Variants in GRXCR1 observed in about 807,000 individuals in gnomAD.
GRXCR1 encodes glutaredoxin domain-containing cysteine-rich protein 1.
GRXCR1 carries 27 observed loss-of-function variants against 27.3 expected under a neutral mutation model. The ratio of observed to expected loss-of-function variants is 0.99; its 90% CI spans 0.73 to 1.37. The LOEUF is 1.37. Ranked by LOEUF, GRXCR1 falls within the 40% of genes most tolerant of loss-of-function variation. The probability of loss-of-function intolerance (pLI) is 0.00; values close to 1 mark genes in which losing one functional copy is unlikely to be tolerated. For missense variants in GRXCR1, 379 were observed against 354.4 expected, an observed-to-expected ratio of 1.07 and a Z score of -0.56; for synonymous variants, 122 against 131.1, an observed-to-expected ratio of 0.93 and a Z score of 0.47.
At chr4:43,014,174 T>G (rs929385698) in intron 2 of GRXCR1, among the ~76,000 whole-genome samples, 1 of 152,164 alleles carries the variant, frequency 6.6e-6, no homozygotes, top group African/African-American at 2.4e-5. Context: ...TTACTGCATT[T>G]TTAAAGACAC....
intron 1 of GRXCR1, among the ~76,000 whole-genome samples, chr4:42,955,022 G>A (rs750474987): frequency 2.0e-4 from 30 of 152,194 alleles, no homozygotes; most frequent in Non-Finnish European, 3.2e-4. Context: ...GGGAGAGAGA[G>A]CGATATATGT....
Position 42,988,244 on chromosome 4 carries a change from T to C in GRXCR1, c.627+25110T>C, listed in dbSNP as rs937053556. Among the ~76,000 whole-genome samples, 3 of 152,214 alleles carry C rather than the reference T, an allele frequency of 2.0e-5. 1 individual carries two copies. The highest frequency in any genetic ancestry group is 2.0e-4 in the Admixed American group (3 of 15,284). ...CTGGAGAAAATAGGCAAGACCTATATTTTCAGATTTTTATAATGCAAAATG... is the reference window on the plus strand; with the variant it reads ...CTGGAGAAAATAGGCAAGACCTATACTTTCAGATTTTTATAATGCAAAATG... On this transcript the variant is annotated intron_variant, in intron 2 of 3. Coordinates refer to ENST00000399770, the MANE Select transcript of GRXCR1 (RefSeq NM_001080476.3).
At chr4:42,925,866 G>A (rs771466112) in intron 1 of GRXCR1, among the ~76,000 whole-genome samples, 1 of 151,962 alleles carries the variant, frequency 6.6e-6, no homozygotes, top group African/African-American at 2.4e-5. Context: ...ACATAAGGCC[G>A]AGTTGGACAC....
intron 1 of GRXCR1, among the ~76,000 whole-genome samples, chr4:42,946,560 T>G (rs1351104652): frequency 6.6e-6 from 1 of 152,174 alleles, no homozygotes; most frequent in African/African-American, 2.4e-5. Flanking sequence ...ACAAAATTTA[T>G]TTTTCACAGT....
intron 2 of GRXCR1, among the ~76,000 whole-genome samples, chr4:42,984,055 C>A (rs191642848): frequency 1.3e-5 from 2 of 152,008 alleles, no homozygotes; most frequent in Non-Finnish European, 2.9e-5. Context: ...AGGCTGGTCT[C>A]GAACTCCTGA....
intron 2 of GRXCR1, among the ~76,000 whole-genome samples, chr4:42,994,401 G>T (rs912487932): frequency 3.9e-4 from 60 of 152,236 alleles, no homozygotes; most frequent in African/African-American, 1.4e-3. Flanking sequence ...CTTTTATGCA[G>T]ATTGGTGAAA....
chr4:43,023,352 G>A (rs888343179), intron 3 of GRXCR1, among the ~76,000 whole-genome samples: 1 of 152,166 alleles, frequency 6.6e-6, no homozygotes, highest in Non-Finnish European at 1.5e-5. Flanking sequence ...TGAAGAGAGA[G>A]GCTTAGCAGC....
At chr4:42,954,460 T>A (rs918158803) in intron 1 of GRXCR1, among the ~76,000 whole-genome samples, 4 of 152,064 alleles carry the variant, frequency 2.6e-5, no homozygotes, top group South Asian at 2.1e-4. Flanking sequence ...CAGACTTAGG[T>A]TCAAATTCTG....
At chr4:42,941,592 G>A (rs1013857244) in intron 1 of GRXCR1, among the ~76,000 whole-genome samples, 1 of 151,856 alleles carries the variant, frequency 6.6e-6, no homozygotes, top group African/African-American at 2.4e-5. Context: ...CTTATTTAAC[G>A]GAGAGGCAAA....
rs1052999423 is a variant in GRXCR1, at chr4:42,893,045, C to T, written c.-222C>T. Among the ~76,000 whole-genome samples the T allele has an allele frequency of 1.3e-5, 2 of 152,014 alleles. No individual in the cohort carries two copies. Among genetic ancestry groups the T allele is most frequent in the African/African-American group, 2.4e-5 (1 of 41,384 alleles). On this transcript the variant is annotated 5_prime_UTR_variant, in exon 1 of 4. Coordinates refer to ENST00000399770, the MANE Select transcript of GRXCR1 (RefSeq NM_001080476.3). ...ATATTTAAAGGCTGAGATCATTTTG[C>T]GGGTTTTAGTTTAAAGGTAACCATA... is the stretch of plus-strand genomic sequence containing the variant.
At chr4:42,971,338 C>G (rs1352678559) in intron 2 of GRXCR1, among the ~76,000 whole-genome samples, 1 of 152,110 alleles carries the variant, frequency 6.6e-6, no homozygotes, top group Non-Finnish European at 1.5e-5. Flanking sequence ...ATGTTTATAG[C>G]AATGCTCCAC....
intron 1 of GRXCR1, among the ~76,000 whole-genome samples, chr4:42,943,524 C>G (rs1053125626): frequency 6.6e-6 from 1 of 152,010 alleles, no homozygotes; most frequent in African/African-American, 2.4e-5. Context: ...GAGTCCTGGA[C>G]ACTTAGTTTT....
intron 1 of GRXCR1, among the ~76,000 whole-genome samples, chr4:42,903,356 G>A (rs894656080): frequency 8.0e-6 from 1 of 124,986 alleles, no homozygotes; most frequent in Non-Finnish European, 1.6e-5. Context: ...CTCTCACCCA[G>A]GCTGGAGTGC....
intron 2 of GRXCR1, 148 bp from the exon 3 acceptor site, chr4:43,020,206 C>T (rs1200628212): frequency 7.4e-6 from 5 of 675,788 alleles, no homozygotes; most frequent in Non-Finnish European, 1.4e-5. Flanking sequence ...ATGTCTTCTT[C>T]TCTTTGGCAT....
intron 2 of GRXCR1, among the ~76,000 whole-genome samples, chr4:42,967,714 A>AT (rs1214412497): frequency 3.3e-5 from 5 of 152,026 alleles, no homozygotes; most frequent in African/African-American, 1.2e-4. Context: ...TGTTGGGATA[A>AT]TTTTTTATAC....
intron 3 of GRXCR1, among the ~76,000 whole-genome samples, chr4:43,023,652 T>A (rs1439628342): frequency 6.6e-6 from 1 of 152,202 alleles, no homozygotes; most frequent in Admixed American, 6.5e-5. Context: ...CACTGAGATG[T>A]GAGCTCCATG....
At chr4:42,913,236 C>A (rs944776456) in intron 1 of GRXCR1, among the ~76,000 whole-genome samples, 13 of 152,230 alleles carry the variant, frequency 8.5e-5, no homozygotes, top group South Asian at 6.2e-4. Context: ...GTAACAGGAA[C>A]AAGTTGGAAC....
intron 1 of GRXCR1, among the ~76,000 whole-genome samples, chr4:42,893,853 A>G (rs764562064): frequency 5.5e-4 from 84 of 152,164 alleles, no homozygotes; most frequent in Middle Eastern, 3.2e-3. Flanking sequence ...GAGTTCTCAA[A>G]GCCAAATTTC....
At chr4:42,898,220 G>A (rs1031740460) in intron 1 of GRXCR1, among the ~76,000 whole-genome samples, 6 of 151,198 alleles carry the variant, frequency 4.0e-5, no homozygotes, top group Middle Eastern at 3.4e-3. Context: ...TAGTTAGCAG[G>A]TTTTACAATT....
Sources: allele counts gnomAD v4.1 joint callset (sites outside exome capture counted in the v4.1 genomes callset), GRCh38; gene constraint gnomAD v4.1.1; transcripts MANE v1.5; gene names NCBI Gene and HGNC (gene_info 2026-07-23, HGNC 2026-07-21).